Variants in UGT1A6 observed in about 807,000 individuals in gnomAD.
UGT1A6 encodes the protein UDP glucuronosyltransferase family 1 member A6, also known as UDP-glucuronosyltransferase 1A6.
A neutral mutation model predicts 44.4 loss-of-function variants in UGT1A6; 32 were observed. The observed-to-expected ratio is 0.72, with a 90% CI of 0.54 to 0.97. The LOEUF is 0.97. Among genes scored for constraint, UGT1A6 ranks in the 50% least tolerant of loss-of-function variants. The pLI is 0.00. For synonymous variants in UGT1A6, 238 were observed against 248.5 expected (o/e 0.96, Z 0.40); for missense variants, 685 against 661.9 (o/e 1.03, Z -0.38).
At chr2:233,762,211 C>A (rs1050554515) in intron 1 of UGT1A6, among the ~76,000 whole-genome samples, 4 of 152,108 alleles carry the variant, frequency 2.6e-5, no homozygotes, top group Non-Finnish European at 5.9e-5. Context: ...GTATTTGGCG[C>A]CCCATAAATC....
intron 1 of UGT1A6, among the ~76,000 whole-genome samples, chr2:233,746,316 G>A (rs1048806578): frequency 1.3e-5 from 2 of 151,828 alleles, no homozygotes; most frequent in Non-Finnish European, 2.9e-5. Flanking sequence ...GGGCCCTGTA[G>A]ATGATCTACA....
intron 1 of UGT1A6, among the ~76,000 whole-genome samples, chr2:233,732,493 G>T (rs141356640): frequency 1.3e-5 from 2 of 152,178 alleles, no homozygotes; most frequent in Admixed American, 6.5e-5. Flanking sequence ...TGTATAAGGC[G>T]TAAGGAAGGG....
intron 1 of UGT1A6, among the ~76,000 whole-genome samples, chr2:233,710,119 C>A (rs1015983939): frequency 1.3e-5 from 2 of 152,178 alleles, no homozygotes; most frequent in Non-Finnish European, 1.5e-5. Flanking sequence ...GTTTCTATTT[C>A]CGAGTAGCAT....
chr2:233,729,207 G>A (rs6706232), intron 1 of UGT1A6: 749,602 of 1,613,822 alleles, frequency 0.46, 180,459 homozygotes, highest in African/African-American at 0.76. Flanking sequence ...CCTGGGCTGA[G>A]AGTGGAAAGG....
chr2:233,769,857 C>CAAAA lies in UGT1A6; in HGVS notation c.1301+1432_1301+1435dup. The CAAAA allele has an allele frequency of 4.0e-5, 9 of 223,646 alleles. No individual in the cohort carries two copies. The highest frequency in any genetic ancestry group is 1.1e-4 in the South Asian group (1 of 9,102). The allele number at this position is 223,646 out of a possible 1,614,324, so 13.9% of individuals were successfully genotyped here. On this transcript the variant is annotated intron_variant, in intron 4 of 4. Coordinates refer to ENST00000305139, the MANE Select transcript of UGT1A6 (RefSeq NM_001072.4). The surrounding 1 kb of genome is among the most constrained non-coding windows in gnomAD (Gnocchi z 4.4). ...TGGGCAACAGAGTGAGACCCTGTCTCAAAAAAAAAAAAAAAAATGAAAAGT... is the reference window on the plus strand; with the variant it reads ...TGGGCAACAGAGTGAGACCCTGTCTCAAAAAAAAAAAAAAAAAAAAATGAAAAGT...
In UGT1A6 at chr2:233,747,894, T is replaced by C. The variant is rs576515200; in HGVS notation, c.862-19140T>C. 115 of 1,613,584 alleles carry C rather than the reference T, an allele frequency of 7.1e-5. 5 individuals are homozygous for C. In the South Asian group the frequency reaches 1.2e-3, roughly 17 times the overall value. On this transcript the variant is annotated intron_variant, in intron 1 of 4. Coordinates refer to ENST00000305139, the MANE Select transcript of UGT1A6 (RefSeq NM_001072.4). ...CCTGTCCTACCTTTGCCATGCTCTTTCTGCTCCTTATGCAAGCCTTGCCTC... is the reference window on the plus strand; with the variant it reads ...CCTGTCCTACCTTTGCCATGCTCTTCCTGCTCCTTATGCAAGCCTTGCCTC...
Position 233,700,889 on chromosome 2 carries a change from C to G in UGT1A6, c.861+7024C>G, listed in dbSNP as rs540334634. Among the ~76,000 whole-genome samples, 10 of 151,694 alleles carry G rather than the reference C, an allele frequency of 6.6e-5. No individual in the cohort carries two copies. In the South Asian group the frequency reaches 2.1e-3, roughly 32 times the overall value. On this transcript the variant is annotated intron_variant, in intron 1 of 4. Coordinates refer to ENST00000305139, the MANE Select transcript of UGT1A6 (RefSeq NM_001072.4). Reference sequence around the variant, plus strand: ...CCTCCCTCCTCCCCCCACCCCACAACAGTCCCCGGTGTGTGACGTTCCTCT... The same window carrying G: ...CCTCCCTCCTCCCCCCACCCCACAAGAGTCCCCGGTGTGTGACGTTCCTCT...
chr2:233,695,585 C>T (rs1169249848), intron 1 of UGT1A6, among the ~76,000 whole-genome samples: 1 of 151,918 alleles, frequency 6.6e-6, no homozygotes, highest in African/African-American at 2.4e-5. Flanking sequence ...CCTACTTACC[C>T]TTTCCACCTT....
At chr2:233,745,643 G>C (rs1290211026) in intron 1 of UGT1A6, among the ~76,000 whole-genome samples, 1 of 151,416 alleles carries the variant, frequency 6.6e-6, no homozygotes, top group African/African-American at 2.4e-5. Context: ...CTGGCCGAGG[G>C]TAGAGTTCAG....
At chr2:233,711,386 T>C (rs1328064942) in intron 1 of UGT1A6, among the ~76,000 whole-genome samples, 2 of 152,206 alleles carry the variant, frequency 1.3e-5, no homozygotes, top group African/African-American at 2.4e-5. Context: ...CCCTCCCAGG[T>C]GTGTTCCACC....
intron 1 of UGT1A6, among the ~76,000 whole-genome samples, chr2:233,724,233 G>A (rs1323099966): frequency 1.2e-4 from 15 of 126,038 alleles, no homozygotes; most frequent in African/African-American, 3.9e-4. Context: ...CAGTAGGGGC[G>A]GCCGGGCAGA....
intron 1 of UGT1A6, among the ~76,000 whole-genome samples, chr2:233,733,966 G>A (rs1285977671): frequency 6.6e-6 from 1 of 152,042 alleles, no homozygotes; most frequent in Non-Finnish European, 1.5e-5. Context: ...TGGGGTAGGG[G>A]GAGCGGGGAG....
At position 233,743,743 on chromosome 2, in the gene UGT1A6, G is replaced by A. The variant is rs745945267; in HGVS notation, c.862-23291G>A. On this transcript the variant is annotated intron_variant, in intron 1 of 4. Coordinates refer to ENST00000305139, the MANE Select transcript of UGT1A6 (RefSeq NM_001072.4). ...GGTCATAGATATCGCGTTTCTTGGC[G>A]TCCGACAACACCTCGTAGGCCTCGG... 19 of 1,367,226 alleles carry A rather than the reference G, an allele frequency of 1.4e-5. No individual in the cohort carries two copies. The Admixed American group carries it at 1.9e-4, about 14-fold the overall frequency. The allele number at this position is 1,367,226 out of a possible 1,614,324, so 84.7% of individuals were successfully genotyped here.
chr2:233,709,753 T>C (rs1405121833), intron 1 of UGT1A6, among the ~76,000 whole-genome samples: 1 of 152,244 alleles, frequency 6.6e-6, no homozygotes, highest in African/African-American at 2.4e-5. Flanking sequence ...ATAAACATTA[T>C]TGGAGTATTA....
Position 233,740,697 on chromosome 2 carries a change from G to T in UGT1A6, c.862-26337G>T, listed in dbSNP as rs764928862. The stretch of plus-strand genomic sequence containing the variant: ...TTCCATGGAGGGTGTTCATTTTAGG[G>T]ATTTCAAGAGGGTCATCTTTGCACC... On this transcript the variant is annotated intron_variant, in intron 1 of 4. Coordinates refer to ENST00000305139, the MANE Select transcript of UGT1A6 (RefSeq NM_001072.4). 2.6e-5 allele frequency: 4 copies of T among 151,794 alleles called. No homozygotes were observed. In the East Asian group the frequency reaches 7.7e-4, roughly 29 times the overall value. 9.4% of individuals were successfully genotyped at this position (151,794 alleles called of 1,614,324 possible).
Position 233,772,250 on chromosome 2 carries a change from CT to C in UGT1A6, c.1302-9del, listed in dbSNP as rs1325171114. 1.9e-6 allele frequency: 3 copies of C among 1,614,110 alleles called. No homozygotes were observed. Reference sequence around the variant, plus strand: ...GGTGTTCCAGGCATAACGAAACTGTCTTTGTGTTTAGTTACAAGGAGAACAT... The same window carrying C: ...GGTGTTCCAGGCATAACGAAACTGTCTTGTGTTTAGTTACAAGGAGAACAT... On this transcript the variant is annotated splice_polypyrimidine_tract_variant and intron_variant, in intron 4 of 4. Coordinates refer to ENST00000305139, the MANE Select transcript of UGT1A6 (RefSeq NM_001072.4).
chr2:233,770,905 C>G (rs1053326631), intron 4 of UGT1A6: 4 of 152,124 alleles, frequency 2.6e-5, no homozygotes, highest in Non-Finnish European at 5.9e-5. Context: ...GCAGGCTGTA[C>G]AGGAAGCTTA....
In UGT1A6 at chr2:233,701,831, A is replaced by G. The variant is rs28899177; in HGVS notation, c.861+7966A>G. On this transcript the variant is annotated intron_variant, in intron 1 of 4. Coordinates refer to ENST00000305139, the MANE Select transcript of UGT1A6 (RefSeq NM_001072.4). ...GACACAACATACCAGAATCTCTGGG[A>G]CACATTCAAAGCAGTGTGTAGAGGG... 7.1e-4 allele frequency among the ~76,000 whole-genome samples: 108 copies of G among 152,314 alleles called. No homozygotes were observed. In the East Asian group the frequency reaches 0.012, roughly 17 times the overall value.
chr2:233,750,128 G>T (rs1357269719), intron 1 of UGT1A6, among the ~76,000 whole-genome samples: 9 of 151,932 alleles, frequency 5.9e-5, no homozygotes, highest in African/African-American at 1.7e-4. Context: ...ATGTGGGAAA[G>T]TTTGGAACTT....
Sources: allele counts gnomAD v4.1 joint callset (sites outside exome capture counted in the v4.1 genomes callset), GRCh38; gene constraint gnomAD v4.1.1; non-coding constraint Gnocchi (gnomAD v3.1); transcripts MANE v1.5; gene names NCBI Gene and HGNC (gene_info 2026-07-23, HGNC 2026-07-21).